The following PKP3 variants were observed in gnomAD, a reference collection of about 807,000 sequenced individuals.
PKP3 encodes the protein plakophilin-3.
PKP3 carries 66 observed loss-of-function variants against 76.5 expected under a neutral mutation model. The ratio of observed to expected loss-of-function variants is 0.86; its 90% CI spans 0.71 to 1.06. The LOEUF (loss-of-function observed/expected upper bound fraction) is 1.06. PKP3 is among the 50% of genes least tolerant of loss of function. PKP3 has a pLI of 0.00. For synonymous variants in PKP3, 638 were observed against 516.5 expected, an observed-to-expected ratio of 1.24 and a Z score of -3.19; for missense variants, 1,338 against 1,141.0, an observed-to-expected ratio of 1.17 and a Z score of -2.49.
Position 403,220 on chromosome 11 carries a change from C to T in PKP3, c.1880C>T (p.Ala627Val), listed in dbSNP as rs1169344180. The T allele has an allele frequency of 1.3e-5, 20 of 1,589,540 alleles. No homozygotes were observed. The highest frequency in any genetic ancestry group is 1.5e-5 in the Non-Finnish European group (17 of 1,170,808). The change falls in exon 9 of 13, where the codon GCG becomes GTG. Residue 627 changes from alanine to valine, a missense_variant. By Grantham distance (64) the Ala-to-Val change is moderately conservative (BLOSUM62 0). Transcript: ENST00000331563. The stretch of plus-strand genomic sequence containing the variant: ...GAGCTCAACCGGCACACGACGGAGG[C>T]GGCCGCCGGGGCGCTGCAGAACATC... Reference protein sequence around the residue: ...RCELNRHTTEAAAGALQNITA... With the variant: ...RCELNRHTTEVAAGALQNITA...
chr11:396,442 C>A (rs928509002), intron 1 of PKP3, 166 bp from the exon 2 acceptor site: 1 of 556,094 alleles, frequency 1.8e-6, no homozygotes, highest in Non-Finnish European at 3.2e-6. Context: ...GAGACCAAGC[C>A]ATGGCAGGAA....
At chr11:398,178 C>T (rs1847086548) in intron 4 of PKP3, among the ~76,000 whole-genome samples, 1 of 82,676 alleles carries the variant, frequency 1.2e-5, no homozygotes, top group Non-Finnish European at 2.4e-5. Context: ...TGCGTCACCT[C>T]CCTACCCCCA....
At chr11:403,886 C>G in intron 10 of PKP3, 57 bp from the exon 11 acceptor site, 1 of 1,559,382 alleles carries the variant, frequency 6.4e-7, no homozygotes, top group Non-Finnish European at 8.7e-7. Context: ...GGCAGGGGAC[C>G]CCAGGTGCCC....
Position 397,420 on chromosome 11 carries a change from C to A in PKP3, c.919C>A (p.Arg307=). 1 of 1,612,266 alleles carries A rather than the reference C, an allele frequency of 6.2e-7. No individual in the cohort carries two copies. Among genetic ancestry groups the A allele is most frequent in the South Asian group, 1.1e-5 (1 of 91,062 alleles). The part of the protein sequence containing the change: ...VHGFNSYGSH[R]TLQRLSSGFD... Reference sequence around the variant, plus strand: ...TGGGTTCAACAGCTACGGTAGCCACCGAACCCTGCAGAGACTCAGCAGCGG... The same window carrying A: ...TGGGTTCAACAGCTACGGTAGCCACAGAACCCTGCAGAGACTCAGCAGCGG... The change falls in exon 3 of 13, where the codon CGA becomes AGA. Residue 307 remains arginine, a synonymous_variant. Transcript: ENST00000331563.
Position 397,331 on chromosome 11 carries a change from G to T in PKP3, c.830G>T (p.Arg277Leu). Residue 277 changes from arginine (R) to leucine (L), a missense_variant, in exon 3 of 13, where the codon CGA (arginine) becomes CTA (leucine). By Grantham distance (102) the Arg-to-Leu change is moderately radical. Transcript: ENST00000331563. ...GGGGCCGTCCTGGAGCCAGTGGCTCGAGCGCCATCTGTGCGCAGCCTCAGC... is the reference window on the plus strand; with the variant it reads ...GGGGCCGTCCTGGAGCCAGTGGCTCTAGCGCCATCTGTGCGCAGCCTCAGC... ...VPGAVLEPVA[R>L]APSVRSLSLS... is the part of the protein sequence containing the mutation. 2 of 1,571,640 alleles carry T rather than the reference G, an allele frequency of 1.3e-6. No homozygotes were observed. Among genetic ancestry groups the T allele is most frequent in the South Asian group, 2.3e-5 (2 of 87,676 alleles).
Position 400,562 on chromosome 11 carries a change from C to G in PKP3, c.1594C>G (p.Arg532Gly). The G allele has an allele frequency of 1.3e-6, 2 of 1,495,456 alleles. No individual in the cohort carries two copies. Among genetic ancestry groups the G allele is most frequent in the South Asian group, 1.3e-5 (1 of 79,014 alleles). 92.6% of individuals were successfully genotyped at this position (1,495,456 alleles called of 1,614,324 possible). A position where few individuals can be genotyped will look rare whatever the true frequency, so the allele number is the denominator to read the frequency against. The change falls in exon 8 of 13, where the codon CGG becomes GGG. Residue 532 changes from arginine (R) to glycine (G), a missense_variant. Arg to Gly is a moderately radical substitution (Grantham distance 125, BLOSUM62 -2). Coordinates refer to ENST00000331563, the MANE Select transcript of PKP3 (RefSeq NM_007183.4). ...CGTGGAGAACGCGGTGTGCGTCCTG[C>G]GGAACCTGTCCTACCGCCTCTACGA... ...KSVENAVCVLRNLSYRLYDEM... is the reference protein window; with the variant it reads ...KSVENAVCVLGNLSYRLYDEM...
chr11:396,828 C>G lies in PKP3; in HGVS notation c.327C>G (p.Ile109Met). The G allele has an allele frequency of 6.3e-7, 1 of 1,590,438 alleles. No homozygotes were observed. Among genetic ancestry groups the G allele is most frequent in the Non-Finnish European group, 8.5e-7 (1 of 1,172,932 alleles). ...SGDKTSGFRPIAKPAYSPASW... is the reference protein window; with the variant it reads ...SGDKTSGFRPMAKPAYSPASW... The stretch of plus-strand genomic sequence containing the variant: ...TCGACCCACAGGGCTTCCGGCCCAT[C>G]GCCAAGCCGGCCTACAGCCCAGCCT... The change falls in exon 3 of 13, where the codon ATC becomes ATG. Residue 109 changes from isoleucine (I) to methionine (M), a missense_variant. Transcript: ENST00000331563.
chr11:394,527 A>G lies in PKP3; in HGVS notation c.232+3A>G. 2 of 1,375,204 alleles carry G rather than the reference A, an allele frequency of 1.5e-6. No individual in the cohort carries two copies. Among genetic ancestry groups the G allele is most frequent in the Admixed American group, 3.7e-5 (1 of 26,786 alleles). 85.2% of individuals were successfully genotyped at this position (1,375,204 alleles called of 1,614,324 possible). On this transcript the variant is annotated splice_donor_region_variant and intron_variant, in intron 1 of 12. Transcript: ENST00000331563. ...GCCTGAGGCCGAGACTGCCAGAGGT[A>G]GGCGGTGGGGACAGCGGCGGGGATG...
intron 3 of PKP3, 41 bp downstream of exon 3, chr11:397,486 C>T (rs759723327): frequency 1.9e-5 from 30 of 1,611,592 alleles, no homozygotes; most frequent in East Asian, 1.6e-4. Context: ...GCTTCTACCA[C>T]GGGCCCAGCC....
chr11:400,440 T>A lies in PKP3; in HGVS notation c.1555T>A (p.Cys519Ser), dbSNP rs1847133278. 6.5e-7 allele frequency: 1 copy of A among 1,546,086 alleles called. No homozygotes were observed. ...SINHALDAGK[C>S]EDKSVENAVC... ...CAACCACGCCCTGGACGCGGGCAAA[T>A]GCGAGGACAAGGTGAGGGGCGCGGT... Residue 519 changes from cysteine (C) to serine (S), a missense_variant, in exon 7 of 13, where the codon TGC becomes AGC. Cys to Ser is a moderately radical substitution (Grantham distance 112). Transcript: ENST00000331563.
chr11:393,948 C>T (rs1350068636), upstream of PKP3, among the ~76,000 whole-genome samples: 2 of 152,236 alleles, frequency 1.3e-5, no homozygotes, highest in Admixed American at 6.5e-5. Flanking sequence ...CGACAAAGGG[C>T]CCGGTCTGGC....
chr11:398,988 G>C lies in PKP3; in HGVS notation c.1069-4G>C, dbSNP rs185527086. On this transcript the variant is annotated splice_region_variant and splice_polypyrimidine_tract_variant and intron_variant, in intron 4 of 12. Transcript: ENST00000331563. Reference sequence around the variant, plus strand: ...TGTGCACCCCCATATGCCTGTGCCCGCAGGCCCGCAGCCTTCAGGCCGTGC... The same window carrying C: ...TGTGCACCCCCATATGCCTGTGCCCCCAGGCCCGCAGCCTTCAGGCCGTGC... 2 of 1,555,974 alleles carry C rather than the reference G, an allele frequency of 1.3e-6. No homozygotes were observed. The highest frequency in any genetic ancestry group is 1.7e-6 in the Non-Finnish European group (2 of 1,147,426).
At chr11:397,973 C>T (rs548446359) in intron 4 of PKP3, among the ~76,000 whole-genome samples, 73 of 120,356 alleles carry the variant, frequency 6.1e-4, no homozygotes, top group African/African-American at 1.9e-3. Flanking sequence ...ACCTCCGTCA[C>T]CTCCGTACCC....
At chr11:403,053 G>T in intron 8 of PKP3, 25 bp from the exon 9 acceptor site, 2 of 1,131,726 alleles carry the variant, frequency 1.8e-6, no homozygotes, top group Middle Eastern at 3.2e-4. Flanking sequence ...CCCCGACCCC[G>T]CCGACTCCTC....
At chr11:395,235 C>T (rs967186738) in intron 1 of PKP3, among the ~76,000 whole-genome samples, 4 of 152,168 alleles carry the variant, frequency 2.6e-5, no homozygotes, top group Admixed American at 2.0e-4. Flanking sequence ...TTTCCTCCTT[C>T]CCAGGCTACA....
chr11:400,200 C>T (rs1463708621), intron 6 of PKP3, 59 bp downstream of exon 6: 9 of 1,445,586 alleles, frequency 6.2e-6, no homozygotes, highest in Admixed American at 2.4e-5. Flanking sequence ...GTGGGGACTC[C>T]GCCTGGCCTG....
intron 1 of PKP3, among the ~76,000 whole-genome samples, chr11:395,521 A>T (rs1372668334): frequency 6.6e-6 from 1 of 151,986 alleles, no homozygotes; most frequent in Non-Finnish European, 1.5e-5. Flanking sequence ...GTTAATTACC[A>T]CCCTGGCTGC....
At chr11:400,181 C>CGG (rs781067420) in intron 6 of PKP3, 40 bp downstream of exon 6, 23 of 1,484,340 alleles carry the variant, frequency 1.5e-5, no homozygotes, top group Non-Finnish European at 2.0e-5. Flanking sequence ...ATTGCAGGCG[C>CGG]GGGTCACTGT....
At chr11:393,275 C>T (rs899270675), upstream of PKP3, among the ~76,000 whole-genome samples, 1 of 151,870 alleles carries the variant, frequency 6.6e-6, no homozygotes, top group African/African-American at 2.4e-5. Context: ...ACCCTCGCTC[C>T]CTCTCCATCC....
Sources: gnomAD v4.1 joint callset for allele counts (sites outside exome capture counted in the v4.1 genomes callset) on GRCh38, gnomAD v4.1.1 for gene constraint, MANE v1.5 for transcripts, NCBI Gene and HGNC (gene_info 2026-07-23, HGNC 2026-07-21) for gene names.